IFT140: variants seen among roughly 807,000 people sequenced by gnomAD.
The protein encoded by IFT140 is intraflagellar transport 140.
Under a neutral mutation model 164.6 loss-of-function variants are expected in IFT140, and 133 were observed. The observed-to-expected ratio is 0.81, with a 90% confidence interval of 0.70 to 0.93. The LOEUF (loss-of-function observed/expected upper bound fraction) is 0.93. Ranked by LOEUF, IFT140 falls within the 40% of genes least tolerant of loss-of-function variation. The probability of loss-of-function intolerance (pLI) is 0.00; values close to 1 mark genes in which losing one functional copy is unlikely to be tolerated. For synonymous variants in IFT140, 860 were observed against 817.3 expected, an observed-to-expected ratio of 1.05 and a Z score of -0.89; for missense variants, 2,045 against 1,972.3, an observed-to-expected ratio of 1.04 and a Z score of -0.70.
At chr16:1,567,853 C>A (rs1172410141) in intron 15 of IFT140, among the ~76,000 whole-genome samples, 2 of 152,232 alleles carry the variant, frequency 1.3e-5, no homozygotes, top group Admixed American at 6.5e-5. Flanking sequence ...CTCCAACAGT[C>A]CTGTGCCTCC....
At chr16:1,598,433 G>A (rs186291237) in intron 4 of IFT140, among the ~76,000 whole-genome samples, 3 of 152,188 alleles carry the variant, frequency 2.0e-5, no homozygotes, top group East Asian at 3.9e-4. Context: ...ACTCCAGCCT[G>A]AGCGACAGAG....
At chr16:1,538,743 C>T (rs988585394) in intron 19 of IFT140, among the ~76,000 whole-genome samples, 1 of 152,240 alleles carries the variant, frequency 6.6e-6, no homozygotes, top group South Asian at 2.1e-4. Flanking sequence ...GCCTCCAGAG[C>T]TCACACACGT....
At chr16:1,538,271 C>T (rs1281902974) in intron 19 of IFT140, among the ~76,000 whole-genome samples, 1 of 152,158 alleles carries the variant, frequency 6.6e-6, no homozygotes, top group African/African-American at 2.4e-5. Context: ...CTGCACAGAG[C>T]CCCTGCCATG....
chr16:1,561,940 G>T, intron 18 of IFT140, 45 bp downstream of exon 18: 1 of 1,493,086 alleles, frequency 6.7e-7, no homozygotes, highest in South Asian at 1.4e-5. Context: ...AGCCAGGCAA[G>T]GGGAGAGATC....
rs1353665553 is a variant in IFT140, at chr16:1,523,626, C to G, written c.3345G>C (p.Glu1115Asp). The G allele has an allele frequency of 1.2e-6, 2 of 1,613,892 alleles. No homozygotes were observed. Among genetic ancestry groups the G allele is most frequent in the Non-Finnish European group, 1.7e-6 (2 of 1,180,024 alleles). The change falls in exon 26 of 31, where the codon GAG (glutamate) becomes GAC (aspartate). Residue 1115 changes from glutamate (E) to aspartate (D), a missense_variant. Glu to Asp is a conservative substitution (Grantham distance 45, BLOSUM62 2). Transcript: ENST00000426508. ...QQFVALQLIA[E>D]DLDETSDPAL... Reference sequence around the variant, plus strand: ...CAGGGTCTGACGTCTCATCCAGGTCCTCTGCTATGAGCTGTAGGGCCACAA... The same window carrying G: ...CAGGGTCTGACGTCTCATCCAGGTCGTCTGCTATGAGCTGTAGGGCCACAA...
chr16:1,575,606 G>A (rs2034235181), intron 13 of IFT140, among the ~76,000 whole-genome samples: 1 of 152,104 alleles, frequency 6.6e-6, no homozygotes, highest in East Asian at 1.9e-4. Flanking sequence ...CAACTCCATG[G>A]CAACTGTTGT....
chr16:1,535,003 A>G (rs1022467272), intron 19 of IFT140, among the ~76,000 whole-genome samples: 1 of 152,132 alleles, frequency 6.6e-6, no homozygotes, highest in African/African-American at 2.4e-5. Context: ...CCAAGAGTTC[A>G]AGACGAACCT....
At chr16:1,592,712 G>C in intron 4 of IFT140, 124 bp from the exon 5 acceptor site, 1 of 1,432,956 alleles carries the variant, frequency 7.0e-7, no homozygotes, top group East Asian at 2.4e-5. Context: ...CTGGTGGAGG[G>C]ACAGGTGTCC....
intron 30 of IFT140, among the ~76,000 whole-genome samples, chr16:1,515,295 G>A (rs1160709497): frequency 6.6e-6 from 1 of 152,158 alleles, no homozygotes; most frequent in African/African-American, 2.4e-5. Flanking sequence ...GTGGGAGATG[G>A]AGAGACACAT....
chr16:1,571,739 G>T (rs914911696), intron 13 of IFT140, among the ~76,000 whole-genome samples: 2 of 152,242 alleles, frequency 1.3e-5, no homozygotes, highest in Non-Finnish European at 2.9e-5. Context: ...GGACTCTAGT[G>T]CTGCGGGGGA....
At position 1,586,239 on chromosome 16, in the gene IFT140, G is replaced by A. The variant is rs991321512; in HGVS notation, c.1046C>T (p.Ala349Val). The change falls in exon 10 of 31, where the codon GCC becomes GTC. Residue 349 changes from alanine (A) to valine (V), a missense_variant. Ala to Val is a moderately conservative substitution (Grantham distance 64). Transcript: ENST00000426508. The part of the protein sequence containing the change: ...LAAGTDRGRV[A>V]MWRKVPDFLG... ...GAAGTCTGGTACTTTCCTCCACATG[G>A]CTACTCGCCCTCTGTCGGTACCAGC... 7 of 1,614,070 alleles carry A rather than the reference G, an allele frequency of 4.3e-6. No homozygotes were observed. Among genetic ancestry groups the A allele is most frequent in the Non-Finnish European group, 5.9e-6 (7 of 1,180,008 alleles).
Position 1,555,339 on chromosome 16 carries a change from G to A in IFT140, c.2399+2596C>T, listed in dbSNP as rs932094523. ...GTTAGGTGGCGCGAGGCTGCCCTGCGCTCCGCTTTGCTTTGGGATTAATTT... is the reference window on the plus strand; with the variant it reads ...GTTAGGTGGCGCGAGGCTGCCCTGCACTCCGCTTTGCTTTGGGATTAATTT... On this transcript the variant is annotated intron_variant, in intron 19 of 30. Coordinates refer to ENST00000426508, the MANE Select transcript of IFT140 (RefSeq NM_014714.4). The A allele has an allele frequency of 4.7e-4, 156 of 333,462 alleles. 2 individuals are homozygous for A. Among genetic ancestry groups the A allele is most frequent in the Middle Eastern group, 1.7e-3 (2 of 1,206 alleles). The allele number at this position is 333,462 out of a possible 1,614,324, so 20.7% of individuals were successfully genotyped here. A position where few individuals can be genotyped will look rare whatever the true frequency, so the allele number is the denominator to read the frequency against.
chr16:1,577,853 CT>C (rs1185239216), intron 13 of IFT140: 1 of 151,604 alleles, frequency 6.6e-6, no homozygotes, highest in African/African-American at 2.4e-5. Context: ...AGAACCCCAA[CT>C]TAAAAAAAAA....
At chr16:1,594,666 G>A (rs1596444536) in intron 4 of IFT140, among the ~76,000 whole-genome samples, 2 of 152,360 alleles carry the variant, frequency 1.3e-5, no homozygotes, top group East Asian at 3.9e-4. Flanking sequence ...GCAACTGCGC[G>A]GCACAGACAG....
At chr16:1,577,972 C>CAA (rs35320694) in intron 13 of IFT140, 28,698 of 152,084 alleles carry the variant, frequency 0.19, 3,478 homozygotes, top group African/African-American at 0.33. Flanking sequence ...ATGGCAGCAA[C>CAA]AAGTGTGCTT....
intron 19 of IFT140, among the ~76,000 whole-genome samples, chr16:1,529,921 CTG>C (rs1263914831): frequency 6.6e-6 from 1 of 152,094 alleles, no homozygotes; most frequent in Non-Finnish European, 1.5e-5. Context: ...AAAAGAAACA[CTG>C]TGTCCTCACT....
At chr16:1,515,967 C>T (rs895353069) in intron 30 of IFT140, among the ~76,000 whole-genome samples, 26 of 151,368 alleles carry the variant, frequency 1.7e-4, no homozygotes, top group Non-Finnish European at 1.3e-4. Flanking sequence ...ATGGAGAAAC[C>T]CCATCTCCCC....
rs765410918 is a variant in IFT140 at position 1,566,208 on chromosome 16, T to C, written c.1854A>G (p.Gln618=). 21 of 1,613,862 alleles carry C rather than the reference T, an allele frequency of 1.3e-5. No individual in the cohort carries two copies. The South Asian group carries it at 1.8e-4, about 14-fold the overall frequency. Residue 618 remains glutamine, a synonymous_variant, in exon 16 of 31, where the codon CAA becomes CAG. Transcript: ENST00000426508. ...TVTVFDFKTG[Q]IDRRETLSFN... ...AGGACAGCGTCTCTCTCCGATCAATTTGTCCAGTCTTGAAGTCAAAGACGG... is the reference window on the plus strand; with the variant it reads ...AGGACAGCGTCTCTCTCCGATCAATCTGTCCAGTCTTGAAGTCAAAGACGG...
intron 19 of IFT140, among the ~76,000 whole-genome samples, chr16:1,556,810 T>C (rs2033115120): frequency 6.6e-6 from 1 of 152,166 alleles, no homozygotes; most frequent in South Asian, 2.1e-4. Context: ...TTGTTTTTTG[T>C]TTTGTTTTGT....
Sources: allele counts gnomAD v4.1 joint callset (sites outside exome capture counted in the v4.1 genomes callset), GRCh38; gene constraint gnomAD v4.1.1; transcripts MANE v1.5; gene names NCBI Gene and HGNC (gene_info 2026-07-23, HGNC 2026-07-21).